The following CTNNA3 variants were observed in gnomAD, a reference collection of about 807,000 sequenced individuals.
CTNNA3 encodes catenin alpha-3.
CTNNA3 carries 76 observed loss-of-function variants against 95.7 expected under a neutral mutation model. The observed-to-expected ratio is 0.79, with a 90% CI of 0.66 to 0.96. The LOEUF is 0.96. Among genes scored for constraint, CTNNA3 ranks in the 40% least tolerant of loss-of-function variants. The pLI, the probability that CTNNA3 is intolerant of heterozygous loss-of-function variation, is 0.00. For synonymous variants in CTNNA3, 431 were observed against 374.4 expected, an observed-to-expected ratio of 1.15 and a Z score of -1.74; for missense variants, 1,191 against 1,089.8, an observed-to-expected ratio of 1.09 and a Z score of -1.31.
intron 11 of CTNNA3, among the ~76,000 whole-genome samples, chr10:66,512,980 T>C (rs1392446890): frequency 2.0e-5 from 3 of 151,900 alleles, no homozygotes; most frequent in Admixed American, 1.3e-4. Context: ...ATGTGCCTCA[T>C]AGAAGACCTT....
At chr10:67,566,530 G>A (rs1013248605) in intron 3 of CTNNA3, among the ~76,000 whole-genome samples, 2 of 152,112 alleles carry the variant, frequency 1.3e-5, no homozygotes, top group Non-Finnish European at 2.9e-5. Flanking sequence ...AACAGGTGCT[G>A]GAGAGGATGT....
chr10:66,801,754 A>G (rs540770592), intron 7 of CTNNA3, among the ~76,000 whole-genome samples: 2 of 151,784 alleles, frequency 1.3e-5, no homozygotes, highest in African/African-American at 2.4e-5. Context: ...TGACAAGCCA[A>G]TTCTAATTTT....
At chr10:66,384,016 T>G (rs1003530175) in intron 11 of CTNNA3, among the ~76,000 whole-genome samples, 2 of 152,132 alleles carry the variant, frequency 1.3e-5, no homozygotes, top group African/African-American at 2.4e-5. Context: ...AGACCATCGA[T>G]GCTATGAAGA....
In CTNNA3 at chr10:67,613,281, G is replaced by A. The variant is rs537458434; in HGVS notation, c.100-6232C>T. 1.1e-3 allele frequency among the ~76,000 whole-genome samples: 165 copies of A among 151,312 alleles called. 1 individual carries two copies. The highest frequency in any genetic ancestry group is 2.1e-3 in the Non-Finnish European group (143 of 67,918). On this transcript the variant is annotated intron_variant, in intron 2 of 17. Coordinates refer to ENST00000433211, the MANE Select transcript of CTNNA3 (RefSeq NM_013266.4). ...CATATTGCCTCCTCTGCTCTACCAC[G>A]AACTCAATAAGGACAGGGGCCGTGC...
intron 12 of CTNNA3, among the ~76,000 whole-genome samples, chr10:66,374,604 GCCTTTTTTTTTT>G (rs2092779890): frequency 7.7e-6 from 1 of 129,090 alleles, no homozygotes; most frequent in Admixed American, 8.0e-5. Flanking sequence ...TGAAAGAAAA[GCCTTTTTTTTTT>G]TTTTTTTTTT....
At chr10:66,620,144 A>C (rs754661733) in intron 10 of CTNNA3, among the ~76,000 whole-genome samples, 4 of 152,154 alleles carry the variant, frequency 2.6e-5, no homozygotes, top group Non-Finnish European at 5.9e-5. Flanking sequence ...AAATTTGTTG[A>C]TAGAATGTCT....
intron 7 of CTNNA3, among the ~76,000 whole-genome samples, chr10:67,010,928 A>G (rs1852285276): frequency 1.3e-5 from 2 of 152,226 alleles, no homozygotes; most frequent in Admixed American, 1.3e-4. Context: ...GACATTTTCA[A>G]AAACACATTT....
intron 10 of CTNNA3, among the ~76,000 whole-genome samples, chr10:66,527,407 T>C (rs1841307172): frequency 1.3e-5 from 2 of 152,198 alleles, no homozygotes; most frequent in African/African-American, 4.8e-5. Context: ...TGAGATTCCA[T>C]ATGAAATTGA....
intron 13 of CTNNA3, among the ~76,000 whole-genome samples, chr10:66,120,377 T>C (rs1433171553): frequency 2.0e-5 from 3 of 152,158 alleles, no homozygotes; most frequent in Non-Finnish European, 4.4e-5. Context: ...CTTATGTCAA[T>C]AAATATTAAG....
At chr10:66,098,537 T>C (rs976841760) in intron 14 of CTNNA3, 4 of 152,320 alleles carry the variant, frequency 2.6e-5, no homozygotes, top group Admixed American at 2.0e-4. Context: ...ATAGAAAATA[T>C]GATTTAGTCT....
chr10:67,488,133 T>TG (rs1848517477), intron 5 of CTNNA3, among the ~76,000 whole-genome samples: 1 of 151,964 alleles, frequency 6.6e-6, no homozygotes, highest in Non-Finnish European at 1.5e-5. Context: ...AGGGACAGCA[T>TG]GGGGTAACAG....
rs557343215 is a variant in CTNNA3 at position 66,379,225 on chromosome 10, A to C, written c.1659T>G (p.Gly553=). ...RAARVAHIVT[G]EMDSYEPGAY... is the part of the protein sequence containing the mutation. ...CCCCTGGCTCGTAACTGTCCATTTC[A>C]CCCGTGACGATGTGAGCAACTCTTG... Residue 553 remains glycine (G), a synonymous_variant, in exon 12 of 18, where the codon GGT becomes GGG. Transcript: ENST00000433211. 6.2e-7 allele frequency: 1 copy of C among 1,614,070 alleles called. No individual in the cohort carries two copies. Among genetic ancestry groups the C allele is most frequent in the East Asian group, 2.2e-5 (1 of 44,868 alleles).
intron 10 of CTNNA3, among the ~76,000 whole-genome samples, chr10:66,614,409 G>A (rs1002201008): frequency 9.9e-5 from 15 of 151,880 alleles, no homozygotes; most frequent in African/African-American, 1.4e-4. Flanking sequence ...ATATATCAGC[G>A]GAACAAAAAT....
At chr10:67,763,074 C>T (rs758948560) in intron 1 of CTNNA3, among the ~76,000 whole-genome samples, 35 of 152,232 alleles carry the variant, frequency 2.3e-4, no homozygotes, top group Middle Eastern at 3.4e-3. Flanking sequence ...TTGTCTGCAG[C>T]TAGTCCTGCT....
At chr10:67,623,292 C>A (rs915273784) in intron 2 of CTNNA3, among the ~76,000 whole-genome samples, 13 of 152,198 alleles carry the variant, frequency 8.5e-5, no homozygotes, top group African/African-American at 2.9e-4. Flanking sequence ...AGGGGGCAGA[C>A]ATGTTCTCTC....
intron 5 of CTNNA3, among the ~76,000 whole-genome samples, chr10:67,440,851 A>T (rs1363887053): frequency 6.6e-6 from 1 of 152,170 alleles, no homozygotes. Flanking sequence ...GCCCAGACTG[A>T]GAACACTACA....
intron 11 of CTNNA3, among the ~76,000 whole-genome samples, chr10:66,445,548 C>T (rs1189354252): frequency 3.9e-5 from 6 of 152,086 alleles, no homozygotes; most frequent in East Asian, 3.9e-4. Context: ...TACATGGAAA[C>T]GGAACAACTT....
chr10:67,172,543 C>CAT (rs915198895), intron 7 of CTNNA3, among the ~76,000 whole-genome samples: 6 of 151,854 alleles, frequency 4.0e-5, no homozygotes, highest in Non-Finnish European at 7.4e-5. Flanking sequence ...ATAATACATA[C>CAT]ATATATATAC....
chr10:65,989,392 T>C (rs968725762), intron 15 of CTNNA3, among the ~76,000 whole-genome samples: 12 of 152,170 alleles, frequency 7.9e-5, no homozygotes, highest in Non-Finnish European at 1.3e-4. Flanking sequence ...GTGTTTATTA[T>C]AGTAAAACTC....
Sources: allele counts gnomAD v4.1 joint callset (sites outside exome capture counted in the v4.1 genomes callset), GRCh38; gene constraint gnomAD v4.1.1; transcripts MANE v1.5; gene names NCBI Gene and HGNC (gene_info 2026-07-23, HGNC 2026-07-21).